Variants in MAD1L1 observed in about 807,000 individuals in gnomAD.
MAD1L1 encodes the protein mitotic spindle assembly checkpoint protein MAD1.
MAD1L1 carries 95 observed loss-of-function variants against 96.9 expected under a neutral mutation model. The ratio of observed to expected loss-of-function variants is 0.98; its 90% CI spans 0.83 to 1.16. MAD1L1 has a LOEUF of 1.16. Ranked by LOEUF, MAD1L1 falls within the 50% of genes most tolerant of loss-of-function variation. The probability of loss-of-function intolerance (pLI) is 0.00; values close to 1 mark genes in which losing one functional copy is unlikely to be tolerated. For missense variants in MAD1L1, 1,007 were observed against 954.4 expected (o/e 1.06, Z -0.73); for synonymous variants, 473 against 396.6 (o/e 1.19, Z -2.29).
At chr7:2,201,543 C>T (rs547865697) in intron 10 of MAD1L1, among the ~76,000 whole-genome samples, 3 of 152,272 alleles carry the variant, frequency 2.0e-5, no homozygotes, top group East Asian at 3.9e-4. Flanking sequence ...CTACGGCAGC[C>T]GGACTTGTCT....
At chr7:2,026,573 G>A (rs572475388) in intron 12 of MAD1L1, among the ~76,000 whole-genome samples, 1 of 152,254 alleles carries the variant, frequency 6.6e-6, no homozygotes, top group African/African-American at 2.4e-5. Flanking sequence ...TAAGTTTTAT[G>A]GGACTGGGGT....
At chr7:1,918,182 A>G (rs1020857087) in intron 17 of MAD1L1, among the ~76,000 whole-genome samples, 4 of 151,892 alleles carry the variant, frequency 2.6e-5, no homozygotes, top group Non-Finnish European at 5.9e-5. Context: ...GCTCTGTGTG[A>G]CCCTCAGGAT....
chr7:2,079,973 C>T (rs961492334), intron 11 of MAD1L1: 11 of 334,812 alleles, frequency 3.3e-5, no homozygotes, highest in Admixed American at 1.3e-4. Context: ...ACACATCTAC[C>T]GTCTCCCGAG....
At chr7:1,875,087 T>A (rs1365011299) in intron 18 of MAD1L1, among the ~76,000 whole-genome samples, 1 of 152,036 alleles carries the variant, frequency 6.6e-6, no homozygotes, top group East Asian at 1.9e-4. Context: ...CCAGTCCCAA[T>A]CCAGGTGAAG....
At chr7:2,015,259 C>G (rs1390978566) in intron 12 of MAD1L1, among the ~76,000 whole-genome samples, 1 of 152,244 alleles carries the variant, frequency 6.6e-6, no homozygotes, top group Non-Finnish European at 1.5e-5. Flanking sequence ...GGCTGAGTCC[C>G]CGCTTTTCAG....
At chr7:2,201,434 G>A (rs1200077839) in intron 10 of MAD1L1, among the ~76,000 whole-genome samples, 1 of 152,078 alleles carries the variant, frequency 6.6e-6, no homozygotes, top group Non-Finnish European at 1.5e-5. Context: ...CACAAGGAGG[G>A]GACAGCACGC....
chr7:1,973,435 TG>T (rs1386718954), intron 15 of MAD1L1, among the ~76,000 whole-genome samples: 1 of 152,116 alleles, frequency 6.6e-6, no homozygotes, highest in East Asian at 1.9e-4. Context: ...AGGTGTGAAC[TG>T]GGCCCCTAGA....
intron 12 of MAD1L1, among the ~76,000 whole-genome samples, chr7:2,032,727 G>A (rs1397357469): frequency 6.6e-6 from 1 of 152,206 alleles, no homozygotes; most frequent in Admixed American, 6.5e-5. Context: ...GCCCAGGGCT[G>A]TGGGCTCCCA....
At position 1,977,746 on chromosome 7, in the gene MAD1L1, C is replaced by T. The variant is rs575683428; in HGVS notation, c.1505+2707G>A. Reference sequence around the variant, plus strand: ...GGCCATGCTCCCATCAACTGCAGAACGAGAGGTTCTAGGTGCCAAAAGGCC... The same window carrying T: ...GGCCATGCTCCCATCAACTGCAGAATGAGAGGTTCTAGGTGCCAAAAGGCC... On this transcript the variant is annotated intron_variant, in intron 15 of 18. Coordinates refer to ENST00000265854, the MANE Select transcript of MAD1L1 (RefSeq NM_001013836.2). 5.3e-5 allele frequency among the ~76,000 whole-genome samples: 8 copies of T among 152,360 alleles called. No homozygotes were observed. The South Asian group carries it at 8.3e-4, about 16-fold the overall frequency.
chr7:2,062,461 G>A (rs1784703740), intron 12 of MAD1L1, among the ~76,000 whole-genome samples: 1 of 151,646 alleles, frequency 6.6e-6, no homozygotes, highest in Non-Finnish European at 1.5e-5. Context: ...TATAATCCCA[G>A]CTACTCGAGA....
intron 1 of MAD1L1, 70 bp downstream of exon 1, chr7:2,232,802 C>T (rs919968971): frequency 2.0e-5 from 3 of 152,202 alleles, no homozygotes; most frequent in East Asian, 1.9e-4. Flanking sequence ...GGCCCTCGGC[C>T]CCTCCCTTGC....
At chr7:1,870,586 C>A (rs1319175574) in intron 18 of MAD1L1, among the ~76,000 whole-genome samples, 126 of 135,184 alleles carry the variant, frequency 9.3e-4, no homozygotes, top group Middle Eastern at 5.0e-3. Flanking sequence ...GCCTGCCACG[C>A]TGAACCCACC....
At chr7:1,841,371 T>C (rs543882892) in intron 18 of MAD1L1, among the ~76,000 whole-genome samples, 1 of 152,286 alleles carries the variant, frequency 6.6e-6, no homozygotes, top group Non-Finnish European at 1.5e-5. Context: ...GAGAAGTCAT[T>C]CACAGCCCGA....
At chr7:1,901,740 C>G (rs145599182) in intron 17 of MAD1L1, among the ~76,000 whole-genome samples, 1 of 152,170 alleles carries the variant, frequency 6.6e-6, no homozygotes, top group Non-Finnish European at 1.5e-5. Context: ...AGAGCCAAAC[C>G]GTAGGGAGGC....
chr7:1,969,105 C>G (rs1387886931), intron 15 of MAD1L1, among the ~76,000 whole-genome samples: 1 of 152,130 alleles, frequency 6.6e-6, no homozygotes, highest in African/African-American at 2.4e-5. Context: ...GACTGTTGGC[C>G]AGGTGTGGTG....
chr7:2,065,397 C>T lies in MAD1L1; in HGVS notation c.1218+3797G>A, dbSNP rs183633327. 3.3e-5 allele frequency among the ~76,000 whole-genome samples: 5 copies of T among 152,314 alleles called. No homozygotes were observed. In the East Asian group the frequency reaches 5.8e-4, roughly 18 times the overall value. ...CCCAATCCCACAGCAGGCCCAGCCA[C>T]GTTGGTTTTGAGACCGTGGATCATC... On this transcript the variant is annotated intron_variant, in intron 12 of 18. Transcript: ENST00000265854.
At chr7:1,851,626 T>C (rs1410384027) in intron 18 of MAD1L1, among the ~76,000 whole-genome samples, 1 of 151,960 alleles carries the variant, frequency 6.6e-6, no homozygotes, top group African/African-American at 2.4e-5. Flanking sequence ...AGAAGAAAAC[T>C]AGAATGGAAC....
intron 16 of MAD1L1, among the ~76,000 whole-genome samples, chr7:1,953,564 T>C (rs997611616): frequency 3.9e-5 from 6 of 152,226 alleles, no homozygotes; most frequent in Non-Finnish European, 2.9e-5. Context: ...ACACGCACAC[T>C]GAGGCATTTA....
At chr7:2,012,469 G>C (rs577245230) in intron 13 of MAD1L1, among the ~76,000 whole-genome samples, 5 of 152,322 alleles carry the variant, frequency 3.3e-5, no homozygotes, top group Admixed American at 6.5e-5. Context: ...TTAGGTTTAC[G>C]ACAGCTCCCA....
Sources: gnomAD v4.1 joint callset for allele counts (sites outside exome capture counted in the v4.1 genomes callset) on GRCh38, gnomAD v4.1.1 for gene constraint, MANE v1.5 for transcripts, NCBI Gene and HGNC (gene_info 2026-07-23, HGNC 2026-07-21) for gene names.